The following DPF2 variants were observed in gnomAD, a reference collection of about 807,000 sequenced individuals.
DPF2 encodes zinc finger protein ubi-d4.
A neutral mutation model predicts 59.6 loss-of-function variants in DPF2; 10 were observed. The ratio of observed to expected loss-of-function variants is 0.17; its 90% CI spans 0.10 to 0.28. The LOEUF (loss-of-function observed/expected upper bound fraction) is 0.28. Among genes scored for constraint, DPF2 ranks in the 10% least tolerant of loss-of-function variants. DPF2 has a pLI of 1.00. For missense variants in DPF2, 315 were observed against 509.4 expected, an observed-to-expected ratio of 0.62 and a Z score of 3.67; for synonymous variants, 189 against 190.6, an observed-to-expected ratio of 0.99 and a Z score of 0.07.
chr11:65,343,694 A>T lies in DPF2; in HGVS notation c.466-51A>T, dbSNP rs1226148675. 6.5e-6 allele frequency: 10 copies of T among 1,542,162 alleles called. No homozygotes were observed. In the African/African-American group the frequency reaches 1.1e-4, roughly 17 times the overall value. On this transcript the variant is annotated intron_variant, in intron 4 of 10. Coordinates refer to ENST00000528416, the MANE Select transcript of DPF2 (RefSeq NM_006268.5). Reference sequence around the variant, plus strand: ...GCCTTGGCCAGTCTCATCATAGGGGAGCTTTTGGATGCACATATTTCTACC... The same window carrying T: ...GCCTTGGCCAGTCTCATCATAGGGGTGCTTTTGGATGCACATATTTCTACC...
chr11:65,337,464 A>T (rs1854200820), intron 1 of DPF2, among the ~76,000 whole-genome samples: 1 of 66,928 alleles, frequency 1.5e-5, no homozygotes, highest in African/African-American at 5.7e-5. Flanking sequence ...AAAAAAAAAA[A>T]AAAAAAAAAA....
intron 1 of DPF2, 119 bp downstream of exon 1, chr11:65,334,037 G>C: frequency 7.0e-7 from 1 of 1,420,868 alleles, no homozygotes; most frequent in Non-Finnish European, 9.7e-7. Context: ...GCCATGTTGC[G>C]ACTCCTGGTG....
intron 4 of DPF2, among the ~76,000 whole-genome samples, chr11:65,342,550 T>C (rs749581620): frequency 2.6e-5 from 4 of 152,212 alleles, no homozygotes; most frequent in Non-Finnish European, 2.9e-5. Flanking sequence ...GAAGCACACT[T>C]AGTCTCTGCC....
At chr11:65,334,030 A>G (rs1392909650) in intron 1 of DPF2, 112 bp downstream of exon 1, 1 of 1,464,560 alleles carries the variant, frequency 6.8e-7, no homozygotes, top group Middle Eastern at 1.7e-4. Context: ...CGGGAAAGCC[A>G]TGTTGCGACT....
rs147826073 is a variant in DPF2, at chr11:65,339,753, G to A, written c.33-632G>A. 3.4e-3 allele frequency among the ~76,000 whole-genome samples: 510 copies of A among 152,224 alleles called. 1 individual carries two copies. The highest frequency in any genetic ancestry group is 7.8e-3 in the African/African-American group (323 of 41,534). The stretch of plus-strand genomic sequence containing the variant: ...TACATAAATGATAGTTTTATTTGAC[G>A]CTTCTCAGCAGTGTACCTTGCTTTG... On this transcript the variant is annotated intron_variant, in intron 1 of 10. Transcript: ENST00000528416.
At chr11:65,337,865 C>T (rs1854250052) in intron 1 of DPF2, among the ~76,000 whole-genome samples, 1 of 151,936 alleles carries the variant, frequency 6.6e-6, no homozygotes, top group Admixed American at 6.6e-5. Context: ...AGTGCAATGG[C>T]GCAATCTCGG....
Position 65,346,235 on chromosome 11 carries a change from C to G in DPF2, c.905-12C>G. On this transcript the variant is annotated splice_polypyrimidine_tract_variant and intron_variant, in intron 8 of 10. Transcript: ENST00000528416. ...TTCCGACTGTCTGTCTCACTCACTTCCCCCACTACAGGGCATCCATCTTGC... is the reference window on the plus strand; with the variant it reads ...TTCCGACTGTCTGTCTCACTCACTTGCCCCACTACAGGGCATCCATCTTGC... The G allele has an allele frequency of 6.2e-7, 1 of 1,613,210 alleles. No homozygotes were observed. Among genetic ancestry groups the G allele is most frequent in the Middle Eastern group, 1.7e-4 (1 of 6,020 alleles).
chr11:65,334,648 A>C (rs985815322), intron 1 of DPF2, among the ~76,000 whole-genome samples: 6 of 152,200 alleles, frequency 3.9e-5, no homozygotes, highest in Admixed American at 1.3e-4. Context: ...ATTTCAAGCA[A>C]AGTTAAAGTT....
intron 1 of DPF2, among the ~76,000 whole-genome samples, chr11:65,335,396 C>T (rs1484710266): frequency 1.3e-5 from 2 of 152,138 alleles, no homozygotes; most frequent in Admixed American, 1.3e-4. Context: ...GAGTATCAGA[C>T]TTGCCTAGGT....
intron 1 of DPF2, among the ~76,000 whole-genome samples, chr11:65,336,028 G>C (rs1950091067): frequency 1.3e-5 from 2 of 151,434 alleles, no homozygotes; most frequent in Admixed American, 1.3e-4. Flanking sequence ...TGGCCAGGCT[G>C]GTCTTGAACT....
At chr11:65,336,907 G>C (rs936332290) in intron 1 of DPF2, among the ~76,000 whole-genome samples, 2 of 151,470 alleles carry the variant, frequency 1.3e-5, no homozygotes, top group Non-Finnish European at 2.9e-5. Context: ...TGGCCAAGGT[G>C]GTGAAACCCG....
rs551618467 is a variant in DPF2, at chr11:65,353,480, C to T, written c.*1721C>T. Among the ~76,000 whole-genome samples the T allele has an allele frequency of 5.3e-5, 8 of 152,322 alleles. No individual in the cohort carries two copies. Among genetic ancestry groups the T allele is most frequent in the Admixed American group, 3.3e-4 (5 of 15,310 alleles). On this transcript the variant is annotated 3_prime_UTR_variant, in exon 11 of 11. Coordinates refer to ENST00000528416, the MANE Select transcript of DPF2 (RefSeq NM_006268.5). ...TCTGTGTGGCTTCAGTTGCCTGCAG[C>T]GCTCCCAGGCCAGAGCAAGTGCTCT...
In DPF2 at chr11:65,353,311, G is replaced by A. The variant is rs560127324; in HGVS notation, c.*1552G>A. 1 of 152,314 alleles carries A rather than the reference G, an allele frequency of 6.6e-6. No individual in the cohort carries two copies. 9.4% of individuals were successfully genotyped at this position (152,314 alleles called of 1,614,324 possible). ...GAATTCTCCTAGTCTTGGATACATA[G>A]ATGGAAGTGATGACAGGTTTATAAC... On this transcript the variant is annotated 3_prime_UTR_variant, in exon 11 of 11. Transcript: ENST00000528416.
At chr11:65,339,636 A>G (rs1453363794) in intron 1 of DPF2, among the ~76,000 whole-genome samples, 1 of 152,210 alleles carries the variant, frequency 6.6e-6, no homozygotes, top group Non-Finnish European at 1.5e-5. Context: ...ACCTAGTTCA[A>G]AATTCAAAAG....
intron 2 of DPF2, 142 bp downstream of exon 2, chr11:65,340,687 C>A: frequency 8.0e-7 from 1 of 1,247,952 alleles, no homozygotes; most frequent in Non-Finnish European, 1.1e-6. Context: ...TGATTAGAAA[C>A]CCAGGGAGGA....
intron 6 of DPF2, chr11:65,344,967 C>T (rs1189706801): frequency 3.0e-6 from 1 of 331,032 alleles, no homozygotes. Flanking sequence ...CCACCTCCTC[C>T]TGCCATCCTC....
intron 9 of DPF2, 80 bp from the exon 10 acceptor site, chr11:65,348,760 CCTACCCCTCT>C: frequency 7.7e-7 from 1 of 1,303,662 alleles, no homozygotes. Context: ...TTACCTGCTA[CCTACCCCTCT>C]TGGAAATAGC....
At chr11:65,345,471 A>T in intron 6 of DPF2, 195 bp from the exon 7 acceptor site, 2 of 680,678 alleles carry the variant, frequency 2.9e-6, no homozygotes. Context: ...AGAGCCCCAG[A>T]AGCTAGAGAG....
Position 65,345,700 on chromosome 11 carries a change from C to T in DPF2, c.672C>T (p.Leu224=), listed in dbSNP as rs750866861. 1.3e-5 allele frequency: 21 copies of T among 1,614,186 alleles called. No homozygotes were observed. Among genetic ancestry groups the T allele is most frequent in the Non-Finnish European group, 1.7e-5 (20 of 1,180,026 alleles). Residue 224 remains leucine, a synonymous_variant, in exon 7 of 11, where the codon CTC becomes CTT. Transcript: ENST00000528416. The part of the protein sequence containing the change: ...CGKRYKNRPG[L]SYHYAHSHLA... Reference sequence around the variant, plus strand: ...AACGTTACAAGAACCGACCAGGCCTCAGTTACCACTATGCCCACTCCCACT... The same window carrying T: ...AACGTTACAAGAACCGACCAGGCCTTAGTTACCACTATGCCCACTCCCACT...
Sources: allele counts gnomAD v4.1 joint callset (sites outside exome capture counted in the v4.1 genomes callset), GRCh38; gene constraint gnomAD v4.1.1; transcripts MANE v1.5; gene names NCBI Gene and HGNC (gene_info 2026-07-23, HGNC 2026-07-21).